Variants in PIWIL3 observed in about 807,000 individuals in gnomAD.
PIWIL3 encodes the protein piwi-like protein 3.
Under a neutral mutation model 109.7 loss-of-function variants are expected in PIWIL3, and 101 were observed. The observed-to-expected ratio is 0.92, with a 90% CI of 0.78 to 1.09. The LOEUF is 1.09. PIWIL3 is among the 50% of genes least tolerant of loss of function. The pLI, the probability that PIWIL3 is intolerant of heterozygous loss-of-function variation, is 0.00. For synonymous variants in PIWIL3, 373 were observed against 376.4 expected (o/e 0.99, Z 0.10); for missense variants, 1,031 against 1,072.6 (o/e 0.96, Z 0.54).
At chr22:24,768,125 A>G (rs1925902372) in intron 1 of PIWIL3, among the ~76,000 whole-genome samples, 1 of 151,674 alleles carries the variant, frequency 6.6e-6, no homozygotes, top group African/African-American at 2.4e-5. Context: ...TCAGTGCAAA[A>G]CTCTTATTGG....
At chr22:24,756,346 C>T in intron 5 of PIWIL3, 145 bp downstream of exon 5, 1 of 719,072 alleles carries the variant, frequency 1.4e-6, no homozygotes, top group Non-Finnish European at 2.3e-6. Flanking sequence ...CCGAACATGG[C>T]ACATAGGTTT....
intron 12 of PIWIL3, among the ~76,000 whole-genome samples, chr22:24,737,931 C>G (rs1923762375): frequency 6.6e-6 from 1 of 152,138 alleles, no homozygotes; most frequent in Non-Finnish European, 1.5e-5. Context: ...GAGGCCAAGG[C>G]AGGTGGATCA....
intron 16 of PIWIL3, among the ~76,000 whole-genome samples, chr22:24,727,043 A>C (rs1032809446): frequency 2.6e-5 from 4 of 152,238 alleles, no homozygotes; most frequent in African/African-American, 9.6e-5. Context: ...TTGGAAGTAC[A>C]TCACTTGCAG....
intron 16 of PIWIL3, among the ~76,000 whole-genome samples, chr22:24,726,540 C>G (rs1923010243): frequency 6.6e-6 from 1 of 152,198 alleles, no homozygotes; most frequent in South Asian, 2.1e-4. Context: ...CCGCCTCAGC[C>G]TCCCAAAGTG....
chr22:24,763,507 CCAGGCTGGT>C (rs949393354), intron 1 of PIWIL3, among the ~76,000 whole-genome samples: 1 of 151,998 alleles, frequency 6.6e-6, no homozygotes, highest in Non-Finnish European at 1.5e-5. Flanking sequence ...ACCATGTTGG[CCAGGCTGGT>C]CGCGAACTTC....
At position 24,762,457 on chromosome 22, in the gene PIWIL3, G is replaced by A. The variant is rs777137117; in HGVS notation, c.43C>T (p.Arg15Cys). 15 of 1,613,828 alleles carry A rather than the reference G, an allele frequency of 9.3e-6. No homozygotes were observed. The highest frequency in any genetic ancestry group is 8.3e-5 in the Admixed American group (5 of 59,982). Residue 15 changes from arginine (R) to cysteine (C), a missense_variant, in exon 2 of 21, where the codon CGC (arginine) becomes TGC (cysteine). Coordinates refer to ENST00000616349, the MANE Select transcript of PIWIL3 (RefSeq NM_001255975.1). Reference protein sequence around the residue: ...ARTRARGRARRRESYQQEAPG... With the variant: ...ARTRARGRARCRESYQQEAPG... ...GCCTCTTGTTGGTAGCTCTCCCTGC[G>A]GCGGGCTCTGCCTCGGGCGCGAGTC...
intron 12 of PIWIL3, among the ~76,000 whole-genome samples, chr22:24,745,969 A>G (rs1048247784): frequency 5.3e-5 from 8 of 152,178 alleles, no homozygotes; most frequent in African/African-American, 1.9e-4. Context: ...TGTAATAAAA[A>G]GTTTCCCAAA....
At chr22:24,773,984 A>AT (rs1484114195) in intron 1 of PIWIL3, among the ~76,000 whole-genome samples, 1 of 152,188 alleles carries the variant, frequency 6.6e-6, no homozygotes, top group Non-Finnish European at 1.5e-5. Context: ...AAGTGCTGGG[A>AT]TTACAGGCAT....
chr22:24,732,694 G>T (rs1316480801), intron 14 of PIWIL3, among the ~76,000 whole-genome samples: 1 of 152,072 alleles, frequency 6.6e-6, no homozygotes, highest in Non-Finnish European at 1.5e-5. Context: ...GTGGCGGCAG[G>T]CGCCTGTAGT....
intron 1 of PIWIL3, among the ~76,000 whole-genome samples, chr22:24,772,179 A>G (rs1021116448): frequency 1.3e-5 from 2 of 152,250 alleles, no homozygotes; most frequent in African/African-American, 4.8e-5. Flanking sequence ...ACAGAATGAA[A>G]GATTAAACCC....
intron 3 of PIWIL3, among the ~76,000 whole-genome samples, chr22:24,759,468 G>C (rs1925283057): frequency 6.6e-6 from 1 of 152,160 alleles, no homozygotes; most frequent in Admixed American, 6.5e-5. Flanking sequence ...GTGCATGAGT[G>C]CTGTATAAAC....
At chr22:24,736,032 T>G in intron 12 of PIWIL3, 140 bp from the exon 13 acceptor site, 2 of 702,022 alleles carry the variant, frequency 2.8e-6, no homozygotes, top group South Asian at 4.9e-5. Flanking sequence ...AGGTATTTTT[T>G]TCATTAAGAT....
Position 24,726,114 on chromosome 22 carries a change from T to G in PIWIL3, c.2010-599A>C, listed in dbSNP as rs1272661936. ...AGGCGTCTCGGCTCCACATTTTCACTGCTAGTGTCAGCATCTGAACATGGT... is the reference window on the plus strand; with the variant it reads ...AGGCGTCTCGGCTCCACATTTTCACGGCTAGTGTCAGCATCTGAACATGGT... On this transcript the variant is annotated intron_variant, in intron 16 of 20. Transcript: ENST00000616349. Among the ~76,000 whole-genome samples, 18 of 152,300 alleles carry G rather than the reference T, an allele frequency of 1.2e-4. No homozygotes were observed. The South Asian group carries it at 1.7e-3, about 14-fold the overall frequency.
chr22:24,742,231 T>G (rs183479667), intron 12 of PIWIL3, among the ~76,000 whole-genome samples: 1 of 146,942 alleles, frequency 6.8e-6, no homozygotes, highest in African/African-American at 2.5e-5. Context: ...TACAACAGAC[T>G]ACTGAAAGAA....
At chr22:24,741,135 A>C (rs550730139) in intron 12 of PIWIL3, among the ~76,000 whole-genome samples, 1 of 152,222 alleles carries the variant, frequency 6.6e-6, no homozygotes, top group Non-Finnish European at 1.5e-5. Flanking sequence ...GCTACACCAC[A>C]CAAACAGGAT....
intron 1 of PIWIL3, among the ~76,000 whole-genome samples, chr22:24,765,853 T>G (rs6004269): frequency 0.34 from 50,871 of 150,284 alleles, 8,847 homozygotes; most frequent in East Asian, 0.55. Context: ...GTGTAAAAAA[T>G]GGGGAAAAAA....
At position 24,745,555 on chromosome 22, in the gene PIWIL3, TAAAC is replaced by T. The variant is rs764454097; in HGVS notation, c.1449+3348_1449+3351del. Among the ~76,000 whole-genome samples the T allele has an allele frequency of 5.0e-4, 75 of 149,702 alleles. No individual in the cohort carries two copies. In the East Asian group the frequency reaches 5.3e-3, roughly 11 times the overall value. ...GAGTGAGACTCTGTCTCTAAATAAA[TAAAC>T]AAACAAACAAACAAAAGCAAGAGCA... is the stretch of plus-strand genomic sequence containing the variant. On this transcript the variant is annotated intron_variant, in intron 12 of 20. Coordinates refer to ENST00000616349, the MANE Select transcript of PIWIL3 (RefSeq NM_001255975.1).
At chr22:24,758,833 T>A (rs1157892245) in intron 3 of PIWIL3, among the ~76,000 whole-genome samples, 1 of 152,228 alleles carries the variant, frequency 6.6e-6, no homozygotes, top group African/African-American at 2.4e-5. Context: ...AAATTCATCA[T>A]ATTAAAATGT....
In PIWIL3 at chr22:24,719,831, C is replaced by T. The variant is rs201604636; in HGVS notation, c.2422G>A (p.Val808Ile). The change falls in exon 20 of 21, where the codon GTC (valine) becomes ATC (isoleucine). Residue 808 changes from valine (V) to isoleucine (I), a missense_variant. Physicochemically the swap from Val to Ile is conservative, Grantham distance 29 (BLOSUM62 3). Transcript: ENST00000616349. ...DGTVTPTHYN[V>I]IYDTIGLSPD... ...CTCAAGCCAATCGTGTCATAGATGA[C>T]GTTATAATGAGTGGGGGTAACAGTC... The T allele has an allele frequency of 2.9e-5, 47 of 1,610,428 alleles. No homozygotes were observed. Among genetic ancestry groups the T allele is most frequent in the Middle Eastern group, 1.6e-4 (1 of 6,074 alleles).
Sources: allele counts gnomAD v4.1 joint callset (sites outside exome capture counted in the v4.1 genomes callset), GRCh38; gene constraint gnomAD v4.1.1; transcripts MANE v1.5; gene names NCBI Gene and HGNC (gene_info 2026-07-23, HGNC 2026-07-21).